The following KCNQ5 variants were observed in gnomAD, a reference collection of about 807,000 sequenced individuals.
KCNQ5 encodes the protein potassium voltage-gated channel subfamily Q member 5.
KCNQ5 carries 30 observed loss-of-function variants against 98.2 expected under a neutral mutation model. That is an observed-to-expected ratio of 0.31 (90% CI 0.23 to 0.41). The LOEUF (loss-of-function observed/expected upper bound fraction) is 0.41. KCNQ5 is among the 10% of genes least tolerant of loss of function. KCNQ5 has a pLI of 1.00. For synonymous variants in KCNQ5, 458 were observed against 449.4 expected (o/e 1.02, Z -0.24); for missense variants, 835 against 1,182.5 (o/e 0.71, Z 4.31).
chr6:73,174,851 C>T (rs1226901955), intron 11 of KCNQ5, among the ~76,000 whole-genome samples: 1 of 152,190 alleles, frequency 6.6e-6, no homozygotes, highest in East Asian at 1.9e-4. Flanking sequence ...ACGGTCAGCA[C>T]TATGTAAATG....
intron 10 of KCNQ5, chr6:73,157,464 C>T (rs1777410150): frequency 1.5e-6 from 1 of 688,008 alleles, no homozygotes; most frequent in Admixed American, 2.0e-5. Flanking sequence ...GGCGCCTGTC[C>T]CGGCACCACC....
chr6:73,009,131 A>G (rs572806696), intron 2 of KCNQ5, among the ~76,000 whole-genome samples: 8 of 152,026 alleles, frequency 5.3e-5, no homozygotes, highest in Non-Finnish European at 1.2e-4. Context: ...AGCTGGGACT[A>G]CAGGCACGCA....
chr6:72,962,322 T>A (rs1767417907), intron 1 of KCNQ5, among the ~76,000 whole-genome samples: 1 of 148,562 alleles, frequency 6.7e-6, no homozygotes, highest in African/African-American at 2.5e-5. Context: ...TACAGAGTGA[T>A]AAAATAGACA....
intron 1 of KCNQ5, among the ~76,000 whole-genome samples, chr6:72,701,287 T>C (rs999334123): frequency 5.9e-5 from 9 of 152,316 alleles, no homozygotes; most frequent in South Asian, 2.1e-4. Context: ...AACTGAAACT[T>C]ACATAACGTT....
chr6:73,057,318 G>A (rs1211472818), intron 3 of KCNQ5, among the ~76,000 whole-genome samples: 1 of 115,614 alleles, frequency 8.6e-6, no homozygotes, highest in Non-Finnish European at 1.9e-5. Flanking sequence ...TCACACACTG[G>A]GGCCTGTCAT....
At chr6:72,778,547 A>AG (rs1279331504) in intron 1 of KCNQ5, among the ~76,000 whole-genome samples, 1 of 151,754 alleles carries the variant, frequency 6.6e-6, no homozygotes, top group Non-Finnish European at 1.5e-5. Flanking sequence ...ACAGAAAAAA[A>AG]AAAAAGAATA....
In KCNQ5 at chr6:73,197,291, C is replaced by T. The variant is rs1363948364; in HGVS notation, c.*1877C>T. On this transcript the variant is annotated 3_prime_UTR_variant, in exon 14 of 14. Transcript: ENST00000370398. ...AGTTCTCCGCTTTACCTAAAATGTG[C>T]TTCTCAACCTTTTAGAACCTTGTCC... The T allele has an allele frequency of 6.6e-6, 1 of 152,200 alleles. No individual in the cohort carries two copies. The highest frequency in any genetic ancestry group is 1.5e-5 in the Non-Finnish European group (1 of 68,046). The allele number at this position is 152,200 out of a possible 1,614,324, so 9.4% of individuals were successfully genotyped here. A position where few individuals can be genotyped will look rare whatever the true frequency, so the allele number is the denominator to read the frequency against.
At chr6:73,190,900 G>C (rs1328025386) in intron 12 of KCNQ5, among the ~76,000 whole-genome samples, 196 bp downstream of exon 12, 1 of 152,144 alleles carries the variant, frequency 6.6e-6, no homozygotes, top group Non-Finnish European at 1.5e-5. Flanking sequence ...GCATCCAACT[G>C]TCTCATTTTC....
chr6:73,114,423 T>A (rs992884559), intron 7 of KCNQ5, among the ~76,000 whole-genome samples: 6 of 152,206 alleles, frequency 3.9e-5, no homozygotes, highest in Non-Finnish European at 8.8e-5. Flanking sequence ...TTCAGGGTTT[T>A]AGGAAAAAAA....
rs545848008 is a variant in KCNQ5 at position 72,714,872 on chromosome 6, C to T, written c.398+92285C>T. Among the ~76,000 whole-genome samples, 20 of 152,210 alleles carry T rather than the reference C, an allele frequency of 1.3e-4. No individual in the cohort carries two copies. In the South Asian group the frequency reaches 2.5e-3, roughly 19 times the overall value. On this transcript the variant is annotated intron_variant, in intron 1 of 13. Coordinates refer to ENST00000370398, the MANE Select transcript of KCNQ5 (RefSeq NM_019842.4). ...AATAAATCTGATGGATTTTTCTCAT[C>T]ATATTTAGAATAAACAAATTAATGC... is the stretch of plus-strand genomic sequence containing the variant.
chr6:72,711,651 T>G (rs1447794043), intron 1 of KCNQ5, among the ~76,000 whole-genome samples: 1 of 152,042 alleles, frequency 6.6e-6, no homozygotes, highest in Admixed American at 6.6e-5. Context: ...AGAATTGGAG[T>G]AGGGAAAGTG....
chr6:72,683,571 G>A (rs996571171), intron 1 of KCNQ5, among the ~76,000 whole-genome samples: 3 of 151,884 alleles, frequency 2.0e-5, no homozygotes, highest in Admixed American at 2.0e-4. Context: ...GTTTCACCAT[G>A]TTAGCCAGGA....
intron 3 of KCNQ5, among the ~76,000 whole-genome samples, chr6:73,065,115 T>C (rs1562157406): frequency 6.6e-6 from 1 of 151,136 alleles, no homozygotes; most frequent in Non-Finnish European, 1.5e-5. Flanking sequence ...TCCAGCCCCA[T>C]TCACCATCTA....
chr6:72,840,890 T>C (rs1364634230), intron 1 of KCNQ5, among the ~76,000 whole-genome samples: 1 of 152,162 alleles, frequency 6.6e-6, no homozygotes, highest in Non-Finnish European at 1.5e-5. Context: ...CTGTTAAGCT[T>C]ATGGATGGTT....
chr6:72,997,736 T>C (rs915130398), intron 1 of KCNQ5, among the ~76,000 whole-genome samples: 5 of 132,364 alleles, frequency 3.8e-5, no homozygotes, highest in Admixed American at 9.4e-5. Context: ...TGAGCCGAGA[T>C]TGCGTCACTG....
At chr6:72,656,799 G>C (rs12204139) in intron 1 of KCNQ5, among the ~76,000 whole-genome samples, 26,564 of 152,072 alleles carry the variant, frequency 0.17, 2,446 homozygotes, top group Middle Eastern at 0.28. Context: ...CTTTTGGCCT[G>C]GAACTAATCA....
intron 10 of KCNQ5, chr6:73,133,860 T>G: frequency 1.5e-6 from 1 of 685,600 alleles, no homozygotes; most frequent in Non-Finnish European, 2.7e-6. Flanking sequence ...AAATTTACAT[T>G]CCAAAGAAGC....
At chr6:72,924,303 T>A (rs1780530524) in intron 1 of KCNQ5, among the ~76,000 whole-genome samples, 1 of 152,166 alleles carries the variant, frequency 6.6e-6, no homozygotes, top group South Asian at 2.1e-4. Context: ...ACTGAACTAA[T>A]CACAGGAAAC....
At chr6:72,771,478 G>A (rs879149446) in intron 1 of KCNQ5, among the ~76,000 whole-genome samples, 3 of 151,914 alleles carry the variant, frequency 2.0e-5, no homozygotes, top group Admixed American at 2.0e-4. Flanking sequence ...TTTGATAATA[G>A]CCATCCCAGC....
Sources: gnomAD v4.1 joint callset for allele counts (sites outside exome capture counted in the v4.1 genomes callset) on GRCh38, gnomAD v4.1.1 for gene constraint, MANE v1.5 for transcripts, NCBI Gene and HGNC (gene_info 2026-07-23, HGNC 2026-07-21) for gene names.